PGM1: variants seen among roughly 807,000 people sequenced by gnomAD.
PGM1 encodes phosphoglucomutase-1.
PGM1 carries 52 observed loss-of-function variants against 55.6 expected under a neutral mutation model. The observed-to-expected ratio is 0.94, with a 90% CI of 0.75 to 1.18. The LOEUF (loss-of-function observed/expected upper bound fraction) is 1.18. Ranked by LOEUF, PGM1 falls within the 50% of genes most tolerant of loss-of-function variation. The probability of loss-of-function intolerance (pLI) is 0.00; values close to 1 mark genes in which losing one functional copy is unlikely to be tolerated. For synonymous variants in PGM1, 287 were observed against 271.7 expected (o/e 1.06, Z -0.55); for missense variants, 724 against 729.3 (o/e 0.99, Z 0.08).
intron 3 of PGM1, among the ~76,000 whole-genome samples, chr1:63,630,688 C>A (rs1031372111): frequency 6.6e-6 from 1 of 152,150 alleles, no homozygotes. Context: ...CTGTGGCTAA[C>A]ATTTTGTTGT....
chr1:63,633,866 C>CTGTGTGTG (rs58094821), intron 4 of PGM1, among the ~76,000 whole-genome samples: 84 of 73,400 alleles, frequency 1.1e-3, no homozygotes, highest in African/African-American at 2.7e-3. Flanking sequence ...GTCTGTGTCT[C>CTGTGTGTG]TGTGTGTGTG....
intron 1 of PGM1, 35 bp downstream of exon 1, chr1:63,593,769 C>A: frequency 1.9e-6 from 3 of 1,556,568 alleles, no homozygotes; most frequent in African/African-American, 2.7e-5. Context: ...GCTGTGCACC[C>A]TGGCGCGTGT....
chr1:63,597,811 A>G (rs909407500), intron 1 of PGM1, among the ~76,000 whole-genome samples: 3 of 152,176 alleles, frequency 2.0e-5, no homozygotes, highest in Non-Finnish European at 4.4e-5. Context: ...TTGAAGGATG[A>G]TTTATCACCA....
chr1:63,630,739 G>T (rs1197803435), intron 3 of PGM1, among the ~76,000 whole-genome samples: 1 of 152,168 alleles, frequency 6.6e-6, no homozygotes, highest in Non-Finnish European at 1.5e-5. Flanking sequence ...ATTTATAAAA[G>T]TATTCAGATT....
At chr1:63,606,926 G>A (rs1242946708) in intron 1 of PGM1, among the ~76,000 whole-genome samples, 1 of 152,138 alleles carries the variant, frequency 6.6e-6, no homozygotes, top group Admixed American at 6.5e-5. Flanking sequence ...AGGAACCAAG[G>A]CACAAACATT....
chr1:63,618,208 G>C (rs919547457), intron 1 of PGM1, among the ~76,000 whole-genome samples: 1 of 152,182 alleles, frequency 6.6e-6, no homozygotes, highest in African/African-American at 2.4e-5. Context: ...ACTAGTAACT[G>C]GTAGAATAAG....
intron 1 of PGM1, among the ~76,000 whole-genome samples, chr1:63,608,273 A>G (rs1648477866): frequency 6.6e-6 from 1 of 152,236 alleles, no homozygotes; most frequent in Non-Finnish European, 1.5e-5. Context: ...AGCCTACCGC[A>G]GTGGCCTGGG....
At chr1:63,613,703 CTTTTTTTTT>C (rs56355869) in intron 1 of PGM1, among the ~76,000 whole-genome samples, 1 of 121,576 alleles carries the variant, frequency 8.2e-6, no homozygotes, top group Non-Finnish European at 1.7e-5. Context: ...TTCAATGTAT[CTTTTTTTTT>C]TTTTTTTTTT....
chr1:63,642,997 GGTGAA>G (rs755950841), intron 7 of PGM1, among the ~76,000 whole-genome samples: 2 of 152,178 alleles, frequency 1.3e-5, no homozygotes, highest in Non-Finnish European at 2.9e-5. Flanking sequence ...AGCAATAGAA[GGTGAA>G]GTACAGGGGT....
At chr1:63,627,788 G>A (rs903435903) in intron 1 of PGM1, among the ~76,000 whole-genome samples, 2 of 151,952 alleles carry the variant, frequency 1.3e-5, no homozygotes, top group Admixed American at 6.6e-5. Context: ...AATACAACTC[G>A]ACAAGCCACC....
chr1:63,602,113 G>T (rs530673405), intron 1 of PGM1, among the ~76,000 whole-genome samples: 1 of 152,254 alleles, frequency 6.6e-6, no homozygotes, highest in South Asian at 2.1e-4. Flanking sequence ...TATTTCATCT[G>T]GTTGGTCTTT....
intron 1 of PGM1, among the ~76,000 whole-genome samples, chr1:63,611,666 A>G (rs1013479155): frequency 2.6e-5 from 4 of 152,296 alleles, no homozygotes; most frequent in African/African-American, 9.6e-5. Context: ...GCACTTTGGG[A>G]GGCCAAGGCA....
intron 1 of PGM1, 90 bp from the exon 2 acceptor site, chr1:63,629,335 G>C: frequency 9.7e-7 from 1 of 1,032,476 alleles, no homozygotes; most frequent in South Asian, 1.3e-5. Flanking sequence ...TTATTTTTTT[G>C]TCCATCTGCC....
In PGM1 at chr1:63,654,451, T is replaced by G; in HGVS notation, c.1584T>G (p.Ile528Met). 6.2e-7 allele frequency: 1 copy of G among 1,614,056 alleles called. No individual in the cohort carries two copies. The highest frequency in any genetic ancestry group is 8.5e-7 in the Non-Finnish European group (1 of 1,179,928). The change falls in exon 10 of 11, where the codon ATT becomes ATG. Residue 528 changes from isoleucine (I) to methionine (M), a missense_variant. Ile to Met is a conservative substitution (Grantham distance 10). Around this residue, in one of 3 missense-constraint regions of PGM1, gnomAD observed 316 missense variants for 313.1 expected, o/e 1.01. Coordinates refer to ENST00000371084, the MANE Select transcript of PGM1 (RefSeq NM_002633.3). ...IDSYEKDVAK[I>M]NQDPQVMLAP... ...GCTATGAGAAGGACGTTGCCAAGAT[T>G]AACCAGGACCCCCAGGTAACGCCCA...
intron 1 of PGM1, among the ~76,000 whole-genome samples, chr1:63,621,988 C>T (rs1648889504): frequency 6.6e-6 from 1 of 152,152 alleles, no homozygotes; most frequent in East Asian, 1.9e-4. Flanking sequence ...TATAAAAAGA[C>T]TCAGATTTTG....
intron 4 of PGM1, among the ~76,000 whole-genome samples, chr1:63,633,942 T>A (rs1424206367): frequency 4.1e-5 from 5 of 122,144 alleles, no homozygotes; most frequent in Non-Finnish European, 6.7e-5. Context: ...ATTTTTTTTT[T>A]TTTTTTTTTT....
At position 63,621,694 on chromosome 1, in the gene PGM1, A is replaced by G. The variant is rs141501106; in HGVS notation, c.247-7731A>G. On this transcript the variant is annotated intron_variant, in intron 1 of 10. Coordinates refer to ENST00000371084, the MANE Select transcript of PGM1 (RefSeq NM_002633.3). ...TTTAAAAACAAATTAAGAGCCCAAA[A>G]TAAGCTATAAAAAGTAGTCGTCTTT... 1.4e-3 allele frequency among the ~76,000 whole-genome samples: 213 copies of G among 152,376 alleles called. 1 individual carries two copies. The Middle Eastern group carries it at 0.02, about 15-fold the overall frequency.
chr1:63,622,697 T>C (rs1648914022), intron 1 of PGM1, among the ~76,000 whole-genome samples: 1 of 152,228 alleles, frequency 6.6e-6, no homozygotes, highest in Non-Finnish European at 1.5e-5. Flanking sequence ...TCAGGGCAAC[T>C]TTGGAGGTAT....
rs557572433 is a variant in PGM1 at position 63,626,064 on chromosome 1, T to G, written c.247-3361T>G. ...TGACTATTAGATGTTTGGAGAACAA[T>G]GAGATACCCATTTTGGTGGGGAGGC... On this transcript the variant is annotated intron_variant, in intron 1 of 10. Transcript: ENST00000371084. 2.6e-5 allele frequency among the ~76,000 whole-genome samples: 4 copies of G among 152,274 alleles called. No homozygotes were observed. In the South Asian group the frequency reaches 8.3e-4, roughly 32 times the overall value.
Sources: allele counts gnomAD v4.1 joint callset (sites outside exome capture counted in the v4.1 genomes callset), GRCh38; gene constraint gnomAD v4.1.1; regional missense constraint gnomAD v4.1.1; transcripts MANE v1.5; gene names NCBI Gene and HGNC (gene_info 2026-07-23, HGNC 2026-07-21).